The following DENND4C variants were observed in gnomAD, a reference collection of about 807,000 sequenced individuals.
DENND4C encodes DENN domain-containing protein 4C.
In DENND4C, 108 loss-of-function variants were observed where a neutral mutation model predicts 203.0. The observed-to-expected ratio is 0.53, with a 90% confidence interval of 0.46 to 0.62. The LOEUF (loss-of-function observed/expected upper bound fraction) is 0.62, where lower values mean the gene tolerates loss of function less well. DENND4C is among the 20% of genes least tolerant of loss of function. The probability of loss-of-function intolerance (pLI) is 0.00; values close to 1 mark genes in which losing one functional copy is unlikely to be tolerated. For synonymous variants in DENND4C, 871 were observed against 792.4 expected (o/e 1.10, Z -1.67); for missense variants, 2,481 against 2,301.2 (o/e 1.08, Z -1.60).
At position 19,283,908 on chromosome 9, in the gene DENND4C, G is replaced by C. The variant is rs547317214; in HGVS notation, c.306-2861G>C. 5.3e-5 allele frequency among the ~76,000 whole-genome samples: 8 copies of C among 152,172 alleles called. No homozygotes were observed. The East Asian group carries it at 1.5e-3, about 29-fold the overall frequency. The stretch of plus-strand genomic sequence containing the variant: ...CTGCGCCCGCCCAGATGCATTTCTT[G>C]AGACACAGAATCATAGACCATACGA... On this transcript the variant is annotated intron_variant, in intron 2 of 32. Coordinates refer to ENST00000434457, the MANE Select transcript of DENND4C (RefSeq NM_001330640.2).
chr9:19,360,372 C>G lies in DENND4C; in HGVS notation c.5289C>G (p.Phe1763Leu). The G allele has an allele frequency of 1.2e-6, 2 of 1,614,088 alleles. No individual in the cohort carries two copies. ...ATCAGGTGATTCATACATCTTCTTT[C>G]ATCAATCAACATCCAATCATTTTCT... Reference protein sequence around the residue: ...EGDQVIHTSSFINQHPIIFWN... With the variant: ...EGDQVIHTSSLINQHPIIFWN... Residue 1763 changes from phenylalanine (F) to leucine (L), a missense_variant, in exon 29 of 33, where the codon TTC becomes TTG. Around this residue, in one of 3 missense-constraint regions of DENND4C, gnomAD observed 2,289 missense variants for 2,113.3 expected, o/e 1.08. Coordinates refer to ENST00000434457, the MANE Select transcript of DENND4C (RefSeq NM_001330640.2).
chr9:19,305,690 T>C (rs1056363871), intron 10 of DENND4C, among the ~76,000 whole-genome samples, 163 bp downstream of exon 10: 2 of 152,206 alleles, frequency 1.3e-5, no homozygotes, highest in Non-Finnish European at 2.9e-5. Flanking sequence ...CTGGGAATGC[T>C]GTGTGATTTG....
Position 19,325,965 on chromosome 9 carries a change from A to G in DENND4C, c.1980A>G (p.Lys660=). 1 of 1,609,938 alleles carries G rather than the reference A, an allele frequency of 6.2e-7. No homozygotes were observed. The highest frequency in any genetic ancestry group is 8.5e-7 in the Non-Finnish European group (1 of 1,178,494). Residue 660 remains lysine (K), a synonymous_variant, in exon 14 of 33, where the codon AAA becomes AAG. Transcript: ENST00000434457. ...TGTTTCCTGATAAAGGCACAGAGAA[A>G]ACAGATAAGGTATGTTTTTCTTAGA... ...EKLFPDKGTE[K]TDKVDFDSAE...
chr9:19,359,800 GT>G (rs1230143292), intron 28 of DENND4C, among the ~76,000 whole-genome samples: 10 of 151,964 alleles, frequency 6.6e-5, no homozygotes, highest in African/African-American at 2.4e-4. Context: ...AATTCCTTCA[GT>G]TTTTGTTGCA....
intron 1 of DENND4C, among the ~76,000 whole-genome samples, chr9:19,256,987 G>C (rs995168110): frequency 6.6e-6 from 1 of 151,314 alleles, no homozygotes; most frequent in Non-Finnish European, 1.5e-5. Flanking sequence ...GGAGAATGGT[G>C]TGAACCTGGG....
At chr9:19,272,403 A>G (rs530916844) in intron 1 of DENND4C, among the ~76,000 whole-genome samples, 7 of 152,094 alleles carry the variant, frequency 4.6e-5, no homozygotes, top group African/African-American at 1.7e-4. Context: ...CTGGGCAACA[A>G]GAACGAAACT....
At chr9:19,354,844 C>T (rs1309769227) in intron 26 of DENND4C, among the ~76,000 whole-genome samples, 1 of 151,754 alleles carries the variant, frequency 6.6e-6, no homozygotes. Flanking sequence ...CTGCACCTGG[C>T]CTGCTCTAGC....
Position 19,337,877 on chromosome 9 carries a change from A to G in DENND4C, c.2881+1045A>G, listed in dbSNP as rs75865593. ...GTTTGCAAAGCATGTTTGTTATCTTATTTGAAAATATATTATGCCTTGCTA... is the reference window on the plus strand; with the variant it reads ...GTTTGCAAAGCATGTTTGTTATCTTGTTTGAAAATATATTATGCCTTGCTA... On this transcript the variant is annotated intron_variant, in intron 20 of 32. Transcript: ENST00000434457. Among the ~76,000 whole-genome samples the G allele has an allele frequency of 7.4e-3, 1,125 of 152,264 alleles. 17 individuals are homozygous for G. Among genetic ancestry groups the G allele is most frequent in the African/African-American group, 0.026 (1,088 of 41,550 alleles).
At chr9:19,283,353 C>T (rs2131036399) in intron 2 of DENND4C, among the ~76,000 whole-genome samples, 1 of 152,168 alleles carries the variant, frequency 6.6e-6, no homozygotes, top group South Asian at 2.1e-4. Context: ...TTCTGGAATA[C>T]CTCCTGAAGG....
chr9:19,305,287 A>C (rs558768575), intron 9 of DENND4C, 65 bp from the exon 10 acceptor site: 100 of 1,381,960 alleles, frequency 7.2e-5, no homozygotes, highest in Non-Finnish European at 9.6e-5. Flanking sequence ...CAGTAATACT[A>C]GTTACTTATA....
chr9:19,272,432 A>C (rs1432902308), intron 1 of DENND4C, among the ~76,000 whole-genome samples: 4 of 151,988 alleles, frequency 2.6e-5, no homozygotes, highest in Admixed American at 1.3e-4. Flanking sequence ...AAAAACAAAA[A>C]CAAAAACAAA....
At position 19,357,036 on chromosome 9, in the gene DENND4C, G is replaced by T; in HGVS notation, c.4846G>T (p.Glu1616Ter). The T allele has an allele frequency of 6.2e-7, 1 of 1,613,962 alleles. No homozygotes were observed. The highest frequency in any genetic ancestry group is 8.5e-7 in the Non-Finnish European group (1 of 1,179,924). The change falls in exon 27 of 33, where the codon GAA becomes TAA. Residue 1616 changes from glutamate to a stop codon, truncating the protein, a stop_gained. Coordinates refer to ENST00000434457, the MANE Select transcript of DENND4C (RefSeq NM_001330640.2). LOFTEE classifies it high-confidence loss of function. ...LQSGSIPLAN[E>*]SLEHKPVSSL... ...AAGTGGAAGCATTCCATTGGCAAAT[G>T]AATCCTTGGAGCACAAACCTGTATC...
At chr9:19,272,701 AT>A (rs1188020132) in intron 1 of DENND4C, among the ~76,000 whole-genome samples, 1 of 152,208 alleles carries the variant, frequency 6.6e-6, no homozygotes, top group Non-Finnish European at 1.5e-5. Flanking sequence ...ATTATAAAAC[AT>A]TTAGAAGAAA....
intron 2 of DENND4C, among the ~76,000 whole-genome samples, chr9:19,281,455 G>GTAGGAAAGCCTATTAGCTA (rs1834025378): frequency 1.3e-5 from 2 of 152,180 alleles, no homozygotes; most frequent in African/African-American, 4.8e-5. Flanking sequence ...TGTATTTATA[G>GTAGGAAAGCCTATTAGCTA]TAGGAAAGCC....
At position 19,356,951 on chromosome 9, in the gene DENND4C, TCCC is replaced by T. The variant is rs748054957; in HGVS notation, c.4782-17_4782-15del. 8.6e-5 allele frequency: 138 copies of T among 1,604,658 alleles called. No individual in the cohort carries two copies. The highest frequency in any genetic ancestry group is 9.1e-5 in the Non-Finnish European group (107 of 1,176,420). ...CTTGAGGATTTTTAAAGGCTCTTTT[TCCC>T]CCCTTTTCCTTATGTAGCTTTTTCC... On this transcript the variant is annotated intron_variant, in intron 26 of 32. Transcript: ENST00000434457.
rs903044170 is a variant in DENND4C, at chr9:19,297,198, G to C, written c.1041-858G>C. On this transcript the variant is annotated intron_variant, in intron 6 of 32. Transcript: ENST00000434457. ...AGCTTAGATGTTTCTTACAATTTCA[G>C]AACTTTTACATTATAGCAGAAAGAA... Among the ~76,000 whole-genome samples, 12 of 152,118 alleles carry C rather than the reference G, an allele frequency of 7.9e-5. No individual in the cohort carries two copies. In the East Asian group the frequency reaches 2.3e-3, roughly 29 times the overall value.
chr9:19,349,897 A>G (rs1588968923), intron 23 of DENND4C, among the ~76,000 whole-genome samples: 1 of 152,224 alleles, frequency 6.6e-6, no homozygotes, highest in African/African-American at 2.4e-5. Context: ...TTTTATATGT[A>G]TGTTTTAAAT....
chr9:19,357,242 T>C (rs762728987), intron 27 of DENND4C, 88 bp downstream of exon 27: 63 of 1,287,960 alleles, frequency 4.9e-5, no homozygotes, highest in African/African-American at 6.0e-5. Flanking sequence ...CTGACTCATA[T>C]AGGCATAAGT....
chr9:19,280,598 A>T (rs1316468010), intron 2 of DENND4C, among the ~76,000 whole-genome samples: 2 of 151,728 alleles, frequency 1.3e-5, no homozygotes, highest in Non-Finnish European at 2.9e-5. Context: ...ATCCCTAAGG[A>T]TGTAGGATAA....
Sources: allele counts gnomAD v4.1 joint callset (sites outside exome capture counted in the v4.1 genomes callset), GRCh38; gene constraint gnomAD v4.1.1; regional missense constraint gnomAD v4.1.1; transcripts MANE v1.5; gene names NCBI Gene and HGNC (gene_info 2026-07-23, HGNC 2026-07-21).